The following KCNAB1 variants were observed in gnomAD, a reference collection of about 807,000 sequenced individuals.
KCNAB1 encodes the protein potassium voltage-gated channel subfamily A regulatory beta subunit 1.
In KCNAB1, 35 loss-of-function variants were observed where a neutral mutation model predicts 64.6. That is an observed-to-expected ratio of 0.54 (90% CI 0.41 to 0.72). The LOEUF is 0.72. KCNAB1 is among the 30% of genes least tolerant of loss of function. The probability of loss-of-function intolerance (pLI) is 0.00; values close to 1 mark genes in which losing one functional copy is unlikely to be tolerated. For missense variants in KCNAB1, 401 were observed against 512.9 expected (o/e 0.78, Z 2.11); for synonymous variants, 177 against 183.8 (o/e 0.96, Z 0.30).
At chr3:156,360,906 C>A (rs1277520479) in intron 1 of KCNAB1, among the ~76,000 whole-genome samples, 1 of 152,088 alleles carries the variant, frequency 6.6e-6, no homozygotes, top group African/African-American at 2.4e-5. Context: ...CATCTCTCGC[C>A]TGGGTTACTG....
At chr3:156,428,233 G>T (rs1003457624) in intron 2 of KCNAB1, among the ~76,000 whole-genome samples, 3 of 152,130 alleles carry the variant, frequency 2.0e-5, no homozygotes, top group Non-Finnish European at 4.4e-5. Context: ...TCAGTTGAAG[G>T]CCTGAATAAA....
At chr3:156,389,531 C>T (rs1712865576) in intron 1 of KCNAB1, among the ~76,000 whole-genome samples, 1 of 152,162 alleles carries the variant, frequency 6.6e-6, no homozygotes, top group South Asian at 2.1e-4. Flanking sequence ...CAGTGATTCT[C>T]CAAGTGTGTC....
At chr3:156,188,475 T>G (rs573784196) in intron 1 of KCNAB1, among the ~76,000 whole-genome samples, 2 of 152,266 alleles carry the variant, frequency 1.3e-5, no homozygotes, top group South Asian at 4.1e-4. Context: ...TTTAAAAAAT[T>G]GATTCTTCTG....
chr3:156,304,043 C>T (rs1175134690), intron 1 of KCNAB1, among the ~76,000 whole-genome samples: 1 of 152,152 alleles, frequency 6.6e-6, no homozygotes, highest in Non-Finnish European at 1.5e-5. Flanking sequence ...AGTACTATCA[C>T]ACGACAATAT....
chr3:156,347,941 T>C (rs1218794314), intron 1 of KCNAB1, among the ~76,000 whole-genome samples: 2 of 152,142 alleles, frequency 1.3e-5, no homozygotes, highest in African/African-American at 4.8e-5. Context: ...CATTTTTAAC[T>C]AGGAAATACA....
chr3:156,338,034 A>T (rs1462094700), intron 1 of KCNAB1, among the ~76,000 whole-genome samples: 1 of 152,158 alleles, frequency 6.6e-6, no homozygotes, highest in Non-Finnish European at 1.5e-5. Flanking sequence ...CACAAGTAAC[A>T]ATGTTGCAAG....
chr3:156,328,027 C>T (rs1456228295), intron 1 of KCNAB1, among the ~76,000 whole-genome samples: 3 of 152,112 alleles, frequency 2.0e-5, no homozygotes, highest in Non-Finnish European at 4.4e-5. Flanking sequence ...CTGCCCACCA[C>T]CCCAAAATTC....
chr3:156,241,570 G>A (rs1576637140), intron 1 of KCNAB1, among the ~76,000 whole-genome samples: 2 of 152,100 alleles, frequency 1.3e-5, no homozygotes, highest in Admixed American at 6.6e-5. Context: ...ATCATTCTGA[G>A]TATAATCAGA....
intron 1 of KCNAB1, among the ~76,000 whole-genome samples, chr3:156,420,077 A>C (rs747694096): frequency 5.3e-5 from 8 of 152,244 alleles, no homozygotes; most frequent in Non-Finnish European, 1.0e-4. Flanking sequence ...GTTTTCTTCC[A>C]GTTGGACATG....
chr3:156,303,272 T>C (rs191941597), intron 1 of KCNAB1, among the ~76,000 whole-genome samples: 1 of 152,246 alleles, frequency 6.6e-6, no homozygotes, highest in African/African-American at 2.4e-5. Context: ...CTATATACTC[T>C]CTCTTGGCAT....
intron 12 of KCNAB1, among the ~76,000 whole-genome samples, chr3:156,529,460 G>T (rs1352376492): frequency 6.7e-6 from 1 of 149,644 alleles, no homozygotes; most frequent in South Asian, 2.1e-4. Flanking sequence ...TAAAATTTTT[G>T]ATGTATAAAT....
At chr3:156,447,702 A>G (rs13317645) in intron 2 of KCNAB1, among the ~76,000 whole-genome samples, 33,672 of 151,894 alleles carry the variant, frequency 0.22, 7,014 homozygotes, top group African/African-American at 0.55. Flanking sequence ...GAAGTGTCAC[A>G]TATTGGAGTG....
At chr3:156,347,714 G>T (rs1043558987) in intron 1 of KCNAB1, among the ~76,000 whole-genome samples, 1 of 152,104 alleles carries the variant, frequency 6.6e-6, no homozygotes, top group Non-Finnish European at 1.5e-5. Flanking sequence ...TTTCTGAGCG[G>T]TATTTTTCTT....
At chr3:156,161,916 T>C (rs1716103258) in intron 1 of KCNAB1, among the ~76,000 whole-genome samples, 1 of 152,250 alleles carries the variant, frequency 6.6e-6, no homozygotes. Context: ...TGAAGAATTA[T>C]TGACAAGGCA....
At chr3:156,278,495 C>T (rs1276135402) in intron 1 of KCNAB1, among the ~76,000 whole-genome samples, 4 of 152,172 alleles carry the variant, frequency 2.6e-5, no homozygotes, top group African/African-American at 9.7e-5. Context: ...AAGTTTTTAA[C>T]ACAGTGCTTG....
intron 1 of KCNAB1, among the ~76,000 whole-genome samples, chr3:156,140,620 T>C (rs1213778562): frequency 6.6e-6 from 1 of 152,102 alleles, no homozygotes; most frequent in Non-Finnish European, 1.5e-5. Context: ...ACATATGAAT[T>C]TTGGGAGGAA....
intron 1 of KCNAB1, among the ~76,000 whole-genome samples, chr3:156,123,823 T>G (rs1046036311): frequency 1.5e-4 from 23 of 152,206 alleles, no homozygotes; most frequent in Non-Finnish European, 5.9e-5. Context: ...TTAAAAAAAG[T>G]ATTGTTTTTG....
At chr3:156,506,361 A>G (rs1286664413) in intron 8 of KCNAB1, among the ~76,000 whole-genome samples, 1 of 152,226 alleles carries the variant, frequency 6.6e-6, no homozygotes, top group Non-Finnish European at 1.5e-5. Flanking sequence ...TGCTGTTCAG[A>G]GCCTTTGGAC....
chr3:156,224,418 G>A (rs904776198), intron 1 of KCNAB1, among the ~76,000 whole-genome samples: 16 of 152,270 alleles, frequency 1.1e-4, no homozygotes, highest in African/African-American at 2.9e-4. Flanking sequence ...CGGCCAGAGT[G>A]GGCGCCAAGG....
Sources: gnomAD v4.1 joint callset for allele counts (sites outside exome capture counted in the v4.1 genomes callset) on GRCh38, gnomAD v4.1.1 for gene constraint, MANE v1.5 for transcripts, NCBI Gene and HGNC (gene_info 2026-07-23, HGNC 2026-07-21) for gene names.